The following TMTC1 variants were observed in gnomAD, a reference collection of about 807,000 sequenced individuals.
The protein encoded by TMTC1 is protein O-mannosyl-transferase TMTC1.
Under a neutral mutation model 104.8 loss-of-function variants are expected in TMTC1, and 73 were observed. The ratio of observed to expected loss-of-function variants is 0.70; its 90% CI spans 0.58 to 0.85. The LOEUF is 0.85. TMTC1 is among the 40% of genes least tolerant of loss of function. The probability of loss-of-function intolerance (pLI) is 0.00; values close to 1 mark genes in which losing one functional copy is unlikely to be tolerated. For missense variants in TMTC1, 1,035 were observed against 1,096.1 expected (o/e 0.94, Z 0.79); for synonymous variants, 434 against 428.7 (o/e 1.01, Z -0.15).
chr12:29,653,154 A>G (rs1939602264), intron 5 of TMTC1, among the ~76,000 whole-genome samples: 3 of 151,946 alleles, frequency 2.0e-5, no homozygotes, highest in African/African-American at 7.3e-5. Flanking sequence ...CGTGGATCCT[A>G]ACGGGTGTAG....
At chr12:29,593,278 T>C (rs2136361622) in intron 7 of TMTC1, among the ~76,000 whole-genome samples, 1 of 152,348 alleles carries the variant, frequency 6.6e-6, no homozygotes, top group Non-Finnish European at 1.5e-5. Context: ...ATAATGTATG[T>C]AAACGTGTTC....
At chr12:29,778,332 G>C (rs940736497) in intron 1 of TMTC1, among the ~76,000 whole-genome samples, 1 of 152,168 alleles carries the variant, frequency 6.6e-6, no homozygotes, top group African/African-American at 2.4e-5. Context: ...GAATGGAATG[G>C]CACTGCGAAC....
Position 29,755,857 on chromosome 12 carries a change from T to G in TMTC1, c.583A>C (p.Ser195Arg), listed in dbSNP as rs568609487. 6.2e-7 allele frequency: 1 copy of G among 1,614,022 alleles called. No homozygotes were observed. Among genetic ancestry groups the G allele is most frequent in the Admixed American group, 1.7e-5 (1 of 59,982 alleles). ...RSLDQGCVGG[S>R]FPSTVSPFFL... Reference sequence around the variant, plus strand: ...AAGGGAGACACCGTGGAAGGGAAACTTCCCCCAACACAGCCCTGATCCAGA... The same window carrying G: ...AAGGGAGACACCGTGGAAGGGAAACGTCCCCCAACACAGCCCTGATCCAGA... The change falls in exon 4 of 18, where the codon AGT (serine) becomes CGT (arginine). Residue 195 changes from serine (S) to arginine (R), a missense_variant. Ser to Arg is a moderately radical substitution (Grantham distance 110). Transcript: ENST00000539277.
At chr12:29,736,431 T>C (rs906469168) in intron 5 of TMTC1, among the ~76,000 whole-genome samples, 2 of 152,150 alleles carry the variant, frequency 1.3e-5, no homozygotes, top group African/African-American at 2.4e-5. Context: ...CTCTCTCTCT[T>C]TTTTTTAAGA....
chr12:29,539,235 A>G (rs1197976717), intron 10 of TMTC1, among the ~76,000 whole-genome samples: 2 of 152,184 alleles, frequency 1.3e-5, no homozygotes, highest in African/African-American at 2.4e-5. Context: ...TTAATTTCAA[A>G]CTGTTTCTGA....
At position 29,601,612 on chromosome 12, in the gene TMTC1, A is replaced by G. The variant is rs572384713; in HGVS notation, c.1250+2566T>C. On this transcript the variant is annotated intron_variant, in intron 7 of 17. Transcript: ENST00000539277. ...TATCAGGGAAGCAATATAGTCTGGAAGGTAAGAGATCTGTAGTAGACAGGG... is the reference window on the plus strand; with the variant it reads ...TATCAGGGAAGCAATATAGTCTGGAGGGTAAGAGATCTGTAGTAGACAGGG... Among the ~76,000 whole-genome samples the G allele has an allele frequency of 5.3e-5, 8 of 150,942 alleles. No homozygotes were observed. In the South Asian group the frequency reaches 6.4e-4, roughly 12 times the overall value.
At chr12:29,565,595 C>A (rs545378262) in intron 9 of TMTC1, among the ~76,000 whole-genome samples, 56 of 152,268 alleles carry the variant, frequency 3.7e-4, no homozygotes, top group Non-Finnish European at 6.0e-4. Context: ...GCCTGTAACC[C>A]CAGCACTTTG....
intron 6 of TMTC1, among the ~76,000 whole-genome samples, chr12:29,622,872 G>T (rs1023000216): frequency 1.3e-5 from 2 of 152,156 alleles, no homozygotes; most frequent in African/African-American, 4.8e-5. Context: ...GAGCTCTTCC[G>T]TGATAAATAA....
At chr12:29,587,043 C>A (rs553601564) in intron 7 of TMTC1, among the ~76,000 whole-genome samples, 1 of 152,044 alleles carries the variant, frequency 6.6e-6, no homozygotes, top group Non-Finnish European at 1.5e-5. Flanking sequence ...TGGTAGAATT[C>A]GGCTGTGAAT....
chr12:29,655,225 C>T (rs1293293852), intron 5 of TMTC1, among the ~76,000 whole-genome samples: 1 of 152,056 alleles, frequency 6.6e-6, no homozygotes, highest in Non-Finnish European at 1.5e-5. Context: ...GGTAAATCTA[C>T]AGACACAGAA....
intron 12 of TMTC1, chr12:29,519,646 TATC>T (rs1268579944): frequency 6.6e-6 from 1 of 152,130 alleles, no homozygotes; most frequent in Admixed American, 6.6e-5. Flanking sequence ...GTCACAGAGT[TATC>T]ATTTTTAGGG....
intron 2 of TMTC1, among the ~76,000 whole-genome samples, chr12:29,764,670 T>C (rs747228489): frequency 1.7e-4 from 26 of 152,204 alleles, no homozygotes; most frequent in Non-Finnish European, 4.4e-5. Flanking sequence ...AGGCTAAATT[T>C]CTCTGCCTCC....
intron 5 of TMTC1, among the ~76,000 whole-genome samples, chr12:29,711,823 G>A (rs1203279252): frequency 6.6e-6 from 1 of 151,900 alleles, no homozygotes; most frequent in Non-Finnish European, 1.5e-5. Context: ...GGCTAACACA[G>A]TGAAACCCCG....
At chr12:29,532,075 G>A (rs951654951) in intron 11 of TMTC1, among the ~76,000 whole-genome samples, 2 of 152,056 alleles carry the variant, frequency 1.3e-5, no homozygotes, top group Non-Finnish European at 2.9e-5. Flanking sequence ...ATTCTTCAGG[G>A]CTTTTTCCTA....
intron 5 of TMTC1, among the ~76,000 whole-genome samples, chr12:29,696,980 T>C (rs1240666501): frequency 1.3e-5 from 2 of 152,214 alleles, no homozygotes; most frequent in South Asian, 2.1e-4. Flanking sequence ...AAAAGTATAC[T>C]TTAAGTTTAC....
intron 1 of TMTC1, 96 bp from the exon 2 acceptor site, chr12:29,768,171 G>T: frequency 1.1e-6 from 1 of 915,116 alleles, no homozygotes; most frequent in Non-Finnish European, 1.6e-6. Flanking sequence ...AAAAAGATAA[G>T]CTATTAGATT....
At chr12:29,606,983 C>G (rs55717418) in intron 6 of TMTC1, among the ~76,000 whole-genome samples, 71 of 151,292 alleles carry the variant, frequency 4.7e-4, no homozygotes, top group East Asian at 3.9e-4. Context: ...GCCCCCCCCC[C>G]TCACTCACGG....
intron 16 of TMTC1, among the ~76,000 whole-genome samples, chr12:29,514,007 G>A (rs964618996): frequency 1.3e-5 from 2 of 152,106 alleles, no homozygotes; most frequent in African/African-American, 4.8e-5. Context: ...TTCAGAAGAA[G>A]TAAGGTCACA....
At chr12:29,610,234 A>G (rs1217183573) in intron 6 of TMTC1, among the ~76,000 whole-genome samples, 1 of 152,224 alleles carries the variant, frequency 6.6e-6, no homozygotes, top group Non-Finnish European at 1.5e-5. Flanking sequence ...GTGAGCTACT[A>G]GGAGCTGGCT....
Sources: gnomAD v4.1 joint callset for allele counts (sites outside exome capture counted in the v4.1 genomes callset) on GRCh38, gnomAD v4.1.1 for gene constraint, MANE v1.5 for transcripts, NCBI Gene and HGNC (gene_info 2026-07-23, HGNC 2026-07-21) for gene names.